The following CAST variants were observed in gnomAD, a reference collection of about 807,000 sequenced individuals.
The protein encoded by CAST is MIR583 host.
In CAST, 76 loss-of-function variants were observed where a neutral mutation model predicts 119.6. The ratio of observed to expected loss-of-function variants is 0.64; its 90% CI spans 0.53 to 0.77. The LOEUF (loss-of-function observed/expected upper bound fraction) is 0.77. CAST is among the 30% of genes least tolerant of loss of function. The pLI is 0.00. For synonymous variants in CAST, 319 were observed against 331.6 expected (o/e 0.96, Z 0.41); for missense variants, 953 against 946.5 (o/e 1.01, Z -0.09).
chr5:96,264,593 A>T, the CAST span, among the ~76,000 whole-genome samples: 1 of 152,164 alleles, frequency 6.6e-6, no homozygotes, highest in Non-Finnish European at 1.5e-5. Context: ...CGTTCATTTG[A>T]AAACTTAGTT....
the CAST span, among the ~76,000 whole-genome samples, chr5:96,232,937 T>G: frequency 6.6e-6 from 1 of 152,024 alleles, no homozygotes; most frequent in Non-Finnish European, 1.5e-5. Flanking sequence ...CAAAACACAG[T>G]ACTATATTTT....
At chr5:96,622,029 G>C (rs1281031902) in intron 1 of CAST, among the ~76,000 whole-genome samples, 2 of 145,166 alleles carry the variant, frequency 1.4e-5, no homozygotes, top group Non-Finnish European at 3.0e-5. Context: ...GAGTGCAGTG[G>C]CGCAATCTCG....
At chr5:96,758,213 TC>T (rs1255924831) in intron 24 of CAST, among the ~76,000 whole-genome samples, 1 of 152,152 alleles carries the variant, frequency 6.6e-6, no homozygotes, top group African/African-American at 2.4e-5. Flanking sequence ...TGTAAGCTTA[TC>T]CAAAATTACT....
intron 1 of CAST, among the ~76,000 whole-genome samples, chr5:96,625,882 C>A (rs950152312): frequency 1.3e-5 from 2 of 152,124 alleles, no homozygotes; most frequent in African/African-American, 4.8e-5. Flanking sequence ...CTGCCCCTTG[C>A]AAGACACTTC....
the CAST span, chr5:96,412,227 T>C: frequency 9.2e-7 from 1 of 1,086,676 alleles, no homozygotes; most frequent in South Asian, 1.3e-5. Context: ...TCCACAACAA[T>C]GTTATTCCAT....
intron 1 of CAST, chr5:96,546,649 A>T (rs151018859): frequency 3.9e-5 from 6 of 152,292 alleles, no homozygotes; most frequent in African/African-American, 1.2e-4. Context: ...TATTTGTCAC[A>T]TACACTTCAA....
At chr5:96,002,581 C>T in the CAST span, among the ~76,000 whole-genome samples, 1 of 152,102 alleles carries the variant, frequency 6.6e-6, no homozygotes, top group East Asian at 1.9e-4. Context: ...TCTTTATGAA[C>T]AGCAGAAGGT....
chr5:96,674,332 T>C (rs1450023006), intron 1 of CAST, among the ~76,000 whole-genome samples: 1 of 150,670 alleles, frequency 6.6e-6, no homozygotes, highest in African/African-American at 2.4e-5. Flanking sequence ...CTATTATTAT[T>C]ATCATTCTTC....
chr5:96,548,471 AAC>A (rs1163615727), intron 1 of CAST, among the ~76,000 whole-genome samples: 2 of 152,130 alleles, frequency 1.3e-5, no homozygotes, highest in Non-Finnish European at 2.9e-5. Context: ...CCTGCAGAAT[AAC>A]ACATTCTGAT....
chr5:96,644,064 A>T (rs1222490434), intron 1 of CAST, among the ~76,000 whole-genome samples: 1 of 151,878 alleles, frequency 6.6e-6, no homozygotes, highest in African/African-American at 2.4e-5. Flanking sequence ...AAAAAAAAAA[A>T]TTGAGGGTTT....
At chr5:96,580,828 C>A (rs966626727) in intron 1 of CAST, among the ~76,000 whole-genome samples, 1 of 152,196 alleles carries the variant, frequency 6.6e-6, no homozygotes, top group South Asian at 2.1e-4. Flanking sequence ...CCTCAAAAAT[C>A]GTGTTGAAAT....
At chr5:96,299,266 AC>A in the CAST span, among the ~76,000 whole-genome samples, 1 of 149,412 alleles carries the variant, frequency 6.7e-6, no homozygotes, top group South Asian at 2.1e-4. Context: ...AACAACAACA[AC>A]AACAACAACA....
At chr5:96,302,084 C>A in the CAST span, among the ~76,000 whole-genome samples, 3 of 152,166 alleles carry the variant, frequency 2.0e-5, no homozygotes. Flanking sequence ...GGTGGAGGAT[C>A]CCAAGCCTCA....
chr5:96,712,926 C>G (rs1756460206), intron 3 of CAST, among the ~76,000 whole-genome samples: 1 of 152,190 alleles, frequency 6.6e-6, no homozygotes, highest in Admixed American at 6.5e-5. Flanking sequence ...AAGATATCCT[C>G]ATATGTTCCT....
chr5:96,766,620 A>G (rs1227835946), intron 27 of CAST, among the ~76,000 whole-genome samples: 1 of 152,164 alleles, frequency 6.6e-6, no homozygotes, highest in African/African-American at 2.4e-5. Flanking sequence ...AGGCAAAGCA[A>G]TATTCCCAAT....
At chr5:96,620,157 C>A (rs560613242) in intron 1 of CAST, among the ~76,000 whole-genome samples, 54 of 152,334 alleles carry the variant, frequency 3.5e-4, no homozygotes, top group Non-Finnish European at 7.2e-4. Context: ...GAAATTCCTG[C>A]AATTCTCTCC....
chr5:96,445,121 A>G, the CAST span, among the ~76,000 whole-genome samples: 648 of 152,336 alleles, frequency 4.3e-3, 6 homozygotes, highest in African/African-American at 0.015. Flanking sequence ...GACTGCACTC[A>G]CTGTGCCTCA....
At chr5:96,618,856 G>A (rs752389857) in intron 1 of CAST, among the ~76,000 whole-genome samples, 6 of 152,348 alleles carry the variant, frequency 3.9e-5, no homozygotes, top group South Asian at 4.1e-4. Context: ...TGCTCTGAGC[G>A]CAGGACTGGC....
At position 96,662,494 on chromosome 5, in the gene CAST, T is replaced by C. The variant is rs1580868820; in HGVS notation, c.72T>C (p.His24=). ...PRRAAAARRT[H]EHVSEKTSES... is the part of the protein sequence containing the mutation. ...GAGCAGCCGCCGCCCGCCGCACCCA[T>C]GAGGTGAGTGGCGCTCCTGTCGGCG... The change falls in exon 1 of 32, where the codon CAT becomes CAC. Residue 24 remains histidine (H), a synonymous_variant. Coordinates refer to ENST00000675179, the MANE Select transcript of CAST (RefSeq NM_001750.7). 1.1e-5 allele frequency: 16 copies of C among 1,419,822 alleles called. No homozygotes were observed. Among genetic ancestry groups the C allele is most frequent in the African/African-American group, 1.5e-5 (1 of 66,608 alleles). 88.0% of individuals were successfully genotyped at this position (1,419,822 alleles called of 1,614,324 possible).
Sources: gnomAD v4.1 joint callset for allele counts (sites outside exome capture counted in the v4.1 genomes callset) on GRCh38, gnomAD v4.1.1 for gene constraint, MANE v1.5 for transcripts, NCBI Gene and HGNC (gene_info 2026-07-23, HGNC 2026-07-21) for gene names.